The following AGBL4 variants were observed in gnomAD, a reference collection of about 807,000 sequenced individuals.
AGBL4 encodes cytosolic carboxypeptidase 6.
A neutral mutation model predicts 66.4 loss-of-function variants in AGBL4; 58 were observed. The observed-to-expected ratio is 0.87, with a 90% CI of 0.71 to 1.09. The LOEUF is 1.09. Among genes scored for constraint, AGBL4 ranks in the 50% least tolerant of loss-of-function variants. AGBL4 has a pLI of 0.00. For missense variants in AGBL4, 579 were observed against 631.0 expected, an observed-to-expected ratio of 0.92 and a Z score of 0.88; for synonymous variants, 234 against 222.9, an observed-to-expected ratio of 1.05 and a Z score of -0.44.
At chr1:49,415,174 A>G (rs972715761) in intron 3 of AGBL4, among the ~76,000 whole-genome samples, 5 of 152,104 alleles carry the variant, frequency 3.3e-5, no homozygotes, top group Non-Finnish European at 7.4e-5. Context: ...TACATGTTAC[A>G]TTATGTCAAA....
At chr1:48,668,230 G>T (rs1367087289) in intron 6 of AGBL4, among the ~76,000 whole-genome samples, 1 of 152,176 alleles carries the variant, frequency 6.6e-6, no homozygotes, top group Non-Finnish European at 1.5e-5. Context: ...TGGTTGGCTG[G>T]TATTAATCAG....
chr1:48,978,927 C>G (rs12040861), intron 5 of AGBL4, among the ~76,000 whole-genome samples: 6,812 of 152,132 alleles, frequency 0.045, 180 homozygotes, highest in East Asian at 0.074. Flanking sequence ...CCTGTGCACT[C>G]AAGATAAAGG....
chr1:49,415,769 A>G (rs560301312), intron 3 of AGBL4, among the ~76,000 whole-genome samples: 2 of 152,242 alleles, frequency 1.3e-5, no homozygotes, highest in South Asian at 4.1e-4. Flanking sequence ...GGTCAGAAAA[A>G]TTACTTCTTT....
intron 2 of AGBL4, among the ~76,000 whole-genome samples, chr1:49,831,103 T>C (rs957445960): frequency 6.6e-6 from 1 of 152,226 alleles, no homozygotes; most frequent in Admixed American, 6.5e-5. Flanking sequence ...TTTTTTTTGG[T>C]TCCAAATGAA....
chr1:49,183,877 A>C (rs1471287227), intron 4 of AGBL4, among the ~76,000 whole-genome samples: 2 of 152,158 alleles, frequency 1.3e-5, no homozygotes. Context: ...TGGCCACTCC[A>C]TGTGGTAGAC....
intron 6 of AGBL4, among the ~76,000 whole-genome samples, chr1:48,826,791 A>G (rs1213548301): frequency 6.6e-6 from 1 of 152,182 alleles, no homozygotes; most frequent in East Asian, 1.9e-4. Context: ...GACTTAACAA[A>G]CGCTGAGTCT....
At chr1:49,390,144 C>T (rs773360596) in intron 3 of AGBL4, among the ~76,000 whole-genome samples, 2 of 152,090 alleles carry the variant, frequency 1.3e-5, no homozygotes, top group Non-Finnish European at 2.9e-5. Context: ...GTCACAGAGC[C>T]GTGACTATCA....
chr1:48,815,181 T>C (rs1220602814), intron 6 of AGBL4, among the ~76,000 whole-genome samples: 1 of 152,212 alleles, frequency 6.6e-6, no homozygotes, highest in Non-Finnish European at 1.5e-5. Flanking sequence ...TATTTTTTGG[T>C]CATTTGTATG....
intron 2 of AGBL4, among the ~76,000 whole-genome samples, chr1:49,834,379 T>C (rs894096542): frequency 1.3e-5 from 2 of 152,230 alleles, no homozygotes; most frequent in African/African-American, 4.8e-5. Flanking sequence ...AAGAAGTGTT[T>C]ATGGTATTCT....
chr1:49,107,765 T>C (rs886547467), intron 4 of AGBL4, among the ~76,000 whole-genome samples: 1 of 141,338 alleles, frequency 7.1e-6, no homozygotes, highest in Admixed American at 7.1e-5. Context: ...AAGAGAAGGG[T>C]TGAATTCCTT....
intron 1 of AGBL4, among the ~76,000 whole-genome samples, chr1:49,875,929 G>T (rs1646989991): frequency 6.7e-6 from 1 of 148,360 alleles, no homozygotes; most frequent in Admixed American, 6.7e-5. Context: ...ATTTTTTCAT[G>T]TGTTTTTTGG....
intron 3 of AGBL4, among the ~76,000 whole-genome samples, chr1:49,553,203 C>T (rs537646675): frequency 4.3e-4 from 66 of 152,300 alleles, no homozygotes; most frequent in Non-Finnish European, 8.1e-4. Flanking sequence ...TGTTTAATCA[C>T]AATATAGATT....
rs184557506 is a variant in AGBL4 at position 49,896,922 on chromosome 1, A to C, written c.35-45404T>G. Among the ~76,000 whole-genome samples the C allele has an allele frequency of 6.7e-3, 1,024 of 152,118 alleles. 8 individuals are homozygous for C. The highest frequency in any genetic ancestry group is 0.01 in the Non-Finnish European group (682 of 67,932). ...AAAATTCAGCAACCCTTCATGATAA[A>C]AACCCTAAAAAAAAACTGGACATGG... On this transcript the variant is annotated intron_variant, in intron 1 of 13. Transcript: ENST00000371839.
chr1:48,786,107 G>A (rs4926758), intron 6 of AGBL4, among the ~76,000 whole-genome samples: 148,753 of 152,282 alleles, frequency 0.98, 72,740 homozygotes, highest in East Asian at 1. Flanking sequence ...TCAGAAGTAT[G>A]CAGCAAACTG....
At chr1:49,705,565 T>A (rs1299157790) in intron 2 of AGBL4, among the ~76,000 whole-genome samples, 18 of 152,224 alleles carry the variant, frequency 1.2e-4, no homozygotes, top group Admixed American at 7.9e-4. Context: ...TAGCCAGAAC[T>A]TTCAATACTA....
chr1:49,415,567 A>G (rs557481873), intron 3 of AGBL4, among the ~76,000 whole-genome samples: 6 of 152,218 alleles, frequency 3.9e-5, no homozygotes, highest in Non-Finnish European at 5.9e-5. Flanking sequence ...AGGGAAGTTC[A>G]ACAGAAATAA....
chr1:48,783,059 A>G (rs948299080), intron 6 of AGBL4, among the ~76,000 whole-genome samples: 1 of 152,200 alleles, frequency 6.6e-6, no homozygotes, highest in Non-Finnish European at 1.5e-5. Flanking sequence ...ACTTAATAAT[A>G]TGCATTTAAG....
At chr1:49,526,110 C>CA (rs1027997701) in intron 3 of AGBL4, among the ~76,000 whole-genome samples, 59 of 149,656 alleles carry the variant, frequency 3.9e-4, no homozygotes, top group East Asian at 5.9e-4. Flanking sequence ...AACAAAAAAA[C>CA]AAAAAAAAAC....
chr1:49,136,312 C>T (rs902997637), intron 4 of AGBL4, among the ~76,000 whole-genome samples: 1 of 152,056 alleles, frequency 6.6e-6, no homozygotes, highest in Non-Finnish European at 1.5e-5. Flanking sequence ...GGACAATTAT[C>T]CTGAAAACAA....
Sources: allele counts gnomAD v4.1 joint callset (sites outside exome capture counted in the v4.1 genomes callset), GRCh38; gene constraint gnomAD v4.1.1; transcripts MANE v1.5; gene names NCBI Gene and HGNC (gene_info 2026-07-23, HGNC 2026-07-21).